Variants in GLRB observed in about 807,000 individuals in gnomAD.
GLRB encodes the protein glycine receptor subunit beta.
In GLRB, 33 loss-of-function variants were observed where a neutral mutation model predicts 54.2. The observed-to-expected ratio is 0.61, with a 90% CI of 0.46 to 0.81. The LOEUF is 0.81. Ranked by LOEUF, GLRB falls within the 40% of genes least tolerant of loss-of-function variation. The pLI, the probability that GLRB is intolerant of heterozygous loss-of-function variation, is 0.00. For missense variants in GLRB, 572 were observed against 584.6 expected, an observed-to-expected ratio of 0.98 and a Z score of 0.22; for synonymous variants, 209 against 208.2, an observed-to-expected ratio of 1.00 and a Z score of -0.03.
chr4:157,158,242 G>A (rs1470777821), intron 9 of GLRB, among the ~76,000 whole-genome samples: 1 of 152,030 alleles, frequency 6.6e-6, no homozygotes, highest in East Asian at 1.9e-4. Flanking sequence ...CCCTTTGTCA[G>A]ATGGGTAGAT....
At chr4:157,089,633 A>G (rs1413887785) in intron 2 of GLRB, among the ~76,000 whole-genome samples, 1 of 151,912 alleles carries the variant, frequency 6.6e-6, no homozygotes, top group Non-Finnish European at 1.5e-5. Flanking sequence ...GCTATTTCTT[A>G]TTGTCCTTCC....
intron 2 of GLRB, among the ~76,000 whole-genome samples, chr4:157,107,527 A>G (rs570204313): frequency 1.6e-4 from 25 of 152,230 alleles, no homozygotes; most frequent in African/African-American, 5.8e-4. Flanking sequence ...ATGACCTATG[A>G]CATTCCCTTA....
chr4:157,138,287 G>A (rs911956271), intron 6 of GLRB, among the ~76,000 whole-genome samples: 11 of 152,098 alleles, frequency 7.2e-5, no homozygotes, highest in Non-Finnish European at 1.3e-4. Flanking sequence ...TATTGGCCAG[G>A]CTGGTCTCGA....
chr4:157,122,287 G>GT, intron 3 of GLRB, 43 bp from the exon 4 acceptor site: 3 of 808,838 alleles, frequency 3.7e-6, no homozygotes, highest in Middle Eastern at 2.7e-4. Flanking sequence ...TTCTGACCAA[G>GT]TTTTTTACAG....
At chr4:157,109,050 A>G (rs1044317874) in intron 2 of GLRB, among the ~76,000 whole-genome samples, 2 of 152,130 alleles carry the variant, frequency 1.3e-5, no homozygotes, top group Non-Finnish European at 2.9e-5. Flanking sequence ...TATTTAATAC[A>G]TAATGCTATT....
intron 2 of GLRB, among the ~76,000 whole-genome samples, chr4:157,097,250 A>C (rs1734845806): frequency 6.6e-6 from 1 of 152,182 alleles, no homozygotes; most frequent in Non-Finnish European, 1.5e-5. Context: ...TACTTTTGTA[A>C]CATTGATTTC....
intron 4 of GLRB, among the ~76,000 whole-genome samples, chr4:157,130,926 A>G (rs1257823756): frequency 6.6e-6 from 1 of 151,734 alleles, no homozygotes; most frequent in Admixed American, 6.6e-5. Flanking sequence ...TGATCCAAGG[A>G]AGAATTCAAG....
intron 8 of GLRB, among the ~76,000 whole-genome samples, chr4:157,148,800 G>T (rs2126593957): frequency 6.6e-6 from 1 of 151,522 alleles, no homozygotes; most frequent in East Asian, 1.9e-4. Context: ...CACGTGCAGT[G>T]TGTATTAGTC....
At chr4:157,109,024 A>T (rs549739870) in intron 2 of GLRB, among the ~76,000 whole-genome samples, 2 of 152,248 alleles carry the variant, frequency 1.3e-5, no homozygotes, top group South Asian at 4.1e-4. Flanking sequence ...ATATTTTAAA[A>T]TTAAGGTATG....
chr4:157,077,621 G>A (rs1446025483), intron 1 of GLRB, among the ~76,000 whole-genome samples: 1 of 151,904 alleles, frequency 6.6e-6, no homozygotes, highest in Middle Eastern at 3.2e-3. Context: ...TTTTAACGCT[G>A]TGTTAAACCA....
At chr4:157,096,031 G>A (rs1181472450) in intron 2 of GLRB, among the ~76,000 whole-genome samples, 1 of 152,178 alleles carries the variant, frequency 6.6e-6, no homozygotes, top group East Asian at 1.9e-4. Context: ...TGGGGCTGAT[G>A]GCTGGAATTG....
chr4:157,109,011 G>C (rs1342717442), intron 2 of GLRB, among the ~76,000 whole-genome samples: 1 of 152,014 alleles, frequency 6.6e-6, no homozygotes, highest in African/African-American at 2.4e-5. Context: ...GCATTTTTTA[G>C]TGATATTTTA....
intron 2 of GLRB, among the ~76,000 whole-genome samples, chr4:157,096,325 T>C (rs559240512): frequency 1.3e-5 from 2 of 152,282 alleles, no homozygotes; most frequent in South Asian, 4.1e-4. Flanking sequence ...TGCCAGGGGG[T>C]ACTTTTTATT....
chr4:157,169,512 AG>A (rs1737839005), intron 9 of GLRB, among the ~76,000 whole-genome samples: 7 of 152,138 alleles, frequency 4.6e-5, no homozygotes, highest in Admixed American at 4.6e-4. Context: ...TGCATACTCA[AG>A]TCCCTGCAGT....
At chr4:157,087,838 G>A (rs1306162560) in intron 2 of GLRB, among the ~76,000 whole-genome samples, 1 of 151,808 alleles carries the variant, frequency 6.6e-6, no homozygotes, top group African/African-American at 2.4e-5. Flanking sequence ...GTAAAAAAAG[G>A]TATATTTGCA....
In GLRB at chr4:157,152,797, T is replaced by C. The variant is rs1737074222; in HGVS notation, c.984T>C (p.Ala328=). 4 of 1,613,740 alleles carry C rather than the reference T, an allele frequency of 2.5e-6. No homozygotes were observed. The highest frequency in any genetic ancestry group is 3.4e-6 in the Non-Finnish European group (4 of 1,179,808). Residue 328 remains alanine (A), a synonymous_variant, in exon 9 of 10, where the codon GCT becomes GCC. Transcript: ENST00000264428. ...AELPKVSYVK[A]LDVWLIACLL... Reference sequence around the variant, plus strand: ...TTCCCAAAGTTTCCTATGTGAAGGCTCTTGATGTTTGGCTTATTGCTTGCC... The same window carrying C: ...TTCCCAAAGTTTCCTATGTGAAGGCCCTTGATGTTTGGCTTATTGCTTGCC...
chr4:157,124,000 T>G (rs1197608607), intron 4 of GLRB, among the ~76,000 whole-genome samples: 1 of 151,764 alleles, frequency 6.6e-6, no homozygotes, highest in Admixed American at 6.6e-5. Context: ...TAATAAATAC[T>G]GAATTCCTTC....
intron 9 of GLRB, among the ~76,000 whole-genome samples, chr4:157,163,694 T>G (rs963584705): frequency 1.3e-5 from 2 of 152,128 alleles, no homozygotes; most frequent in African/African-American, 4.8e-5. Context: ...ACTTGCTGGC[T>G]TCTTTAGCTC....
At chr4:157,126,272 C>G (rs1736013429) in intron 4 of GLRB, among the ~76,000 whole-genome samples, 1 of 151,806 alleles carries the variant, frequency 6.6e-6, no homozygotes, top group Admixed American at 6.6e-5. Flanking sequence ...AACTAGAAGT[C>G]ACCTCACATT....
Sources: allele counts gnomAD v4.1 joint callset (sites outside exome capture counted in the v4.1 genomes callset), GRCh38; gene constraint gnomAD v4.1.1; transcripts MANE v1.5; gene names NCBI Gene and HGNC (gene_info 2026-07-23, HGNC 2026-07-21).